The following PKHD1L1 variants were observed in gnomAD, a reference collection of about 807,000 sequenced individuals.
PKHD1L1 encodes PKHD1 like 1.
PKHD1L1 carries 434 observed loss-of-function variants against 462.9 expected under a neutral mutation model. That is an observed-to-expected ratio of 0.94 (90% CI 0.87 to 1.02). The LOEUF (loss-of-function observed/expected upper bound fraction) is 1.02. PKHD1L1 is among the 50% of genes least tolerant of loss of function. The pLI is 0.00. For synonymous variants in PKHD1L1, 1,781 were observed against 1,750.0 expected (o/e 1.02, Z -0.44); for missense variants, 5,202 against 5,096.1 (o/e 1.02, Z -0.63).
chr8:109,456,996 T>G (rs1816862121), intron 46 of PKHD1L1, among the ~76,000 whole-genome samples: 1 of 152,158 alleles, frequency 6.6e-6, no homozygotes, highest in Non-Finnish European at 1.5e-5. Context: ...TTCTGTTTAA[T>G]TACATTTTTT....
At chr8:109,497,405 A>C (rs1586625071) in intron 65 of PKHD1L1, 133 bp downstream of exon 65, 10 of 946,274 alleles carry the variant, frequency 1.1e-5, no homozygotes, top group African/African-American at 5.2e-5. Context: ...CTTTGTTCCC[A>C]CTGCCCTCTG....
At position 109,420,517 on chromosome 8, in the gene PKHD1L1, G is replaced by C. The variant is rs748390707; in HGVS notation, c.2525-1G>C. 6.4e-7 allele frequency: 1 copy of C among 1,554,720 alleles called. No individual in the cohort carries two copies. Among genetic ancestry groups the C allele is most frequent in the Admixed American group, 2.1e-5 (1 of 48,640 alleles). ...CTAATATTTTTATTTATATTCTTTA[G>C]AAATGCCCAAGAGAAGACTTCCTGC... On this transcript the variant is annotated splice_acceptor_variant, in intron 22 of 77. Coordinates refer to ENST00000378402, the MANE Select transcript of PKHD1L1 (RefSeq NM_177531.6). LOFTEE classifies it high-confidence loss of function.
At chr8:109,412,080 G>A (rs553770843) in intron 19 of PKHD1L1, among the ~76,000 whole-genome samples, 185 bp from the exon 20 acceptor site, 33 of 152,054 alleles carry the variant, frequency 2.2e-4, no homozygotes, top group Non-Finnish European at 4.1e-4. Context: ...CTGGTATAAA[G>A]GATTATATAA....
chr8:109,417,830 G>A (rs116901719), intron 21 of PKHD1L1, among the ~76,000 whole-genome samples: 7,308 of 152,272 alleles, frequency 0.048, 252 homozygotes, highest in Non-Finnish European at 0.078. Context: ...GATTACAGGC[G>A]TGAGCCACTG....
chr8:109,373,519 A>G (rs1811632845), intron 2 of PKHD1L1, among the ~76,000 whole-genome samples: 1 of 151,828 alleles, frequency 6.6e-6, no homozygotes, highest in South Asian at 2.1e-4. Flanking sequence ...TTCTGCTCTG[A>G]TCTTAGTTAT....
intron 67 of PKHD1L1, among the ~76,000 whole-genome samples, chr8:109,501,797 T>C (rs1819428445): frequency 6.6e-6 from 1 of 152,206 alleles, no homozygotes; most frequent in Non-Finnish European, 1.5e-5. Flanking sequence ...ATTTGGTTTT[T>C]CAGGTACTCT....
rs1812106989 is a variant in PKHD1L1, at chr8:109,381,422, A to T, written c.216A>T (p.Gly72=). Residue 72 remains glycine, a synonymous_variant, in exon 3 of 78, where the codon GGA becomes GGT. Coordinates refer to ENST00000378402, the MANE Select transcript of PKHD1L1 (RefSeq NM_177531.6). ...ATGGAGTTGATAACGCTGAGTTGGG[A>T]AACAGTGTGCAATTAATTTCTTCTT... ...FNYGVDNAEL[G]NSVQLISSFQ... is the part of the protein sequence containing the mutation. 2 of 1,583,970 alleles carry T rather than the reference A, an allele frequency of 1.3e-6. No individual in the cohort carries two copies. Among genetic ancestry groups the T allele is most frequent in the South Asian group, 1.2e-5 (1 of 86,928 alleles).
At chr8:109,400,022 G>A in intron 12 of PKHD1L1, 54 bp from the exon 13 acceptor site, 1 of 1,512,950 alleles carries the variant, frequency 6.6e-7, no homozygotes, top group Non-Finnish European at 8.9e-7. Context: ...GAAAGCCATT[G>A]AGGCATTGCA....
At chr8:109,448,473 T>C in intron 39 of PKHD1L1, 82 bp downstream of exon 39, 1 of 1,346,130 alleles carries the variant, frequency 7.4e-7, no homozygotes, top group Non-Finnish European at 9.8e-7. Flanking sequence ...AAATAATATG[T>C]TACTCAAACA....
Position 109,534,148 on chromosome 8 carries a change from C to A in PKHD1L1, c.*4058C>A, listed in dbSNP as rs559592159. 1.3e-5 allele frequency among the ~76,000 whole-genome samples: 2 copies of A among 152,240 alleles called. No individual in the cohort carries two copies. The highest frequency in any genetic ancestry group is 4.8e-5 in the African/African-American group (2 of 41,470). ...TGCATCTTTGAGTTACTACTATACC[C>A]TCCCGAATGGAAATGCTTCAACTTT... On this transcript the variant is annotated 3_prime_UTR_variant, in exon 78 of 78. Coordinates refer to ENST00000378402, the MANE Select transcript of PKHD1L1 (RefSeq NM_177531.6).
At chr8:109,415,133 G>T (rs1814080582) in intron 21 of PKHD1L1, among the ~76,000 whole-genome samples, 1 of 151,780 alleles carries the variant, frequency 6.6e-6, no homozygotes, top group Non-Finnish European at 1.5e-5. Context: ...CCCACAAGTA[G>T]CTGGGACTGC....
At position 109,498,538 on chromosome 8, in the gene PKHD1L1, T is replaced by C; in HGVS notation, c.10676T>C (p.Leu3559Pro). The change falls in exon 66 of 78, where the codon CTC (leucine) becomes CCC (proline). Residue 3559 changes from leucine (L) to proline (P), a missense_variant. Coordinates refer to ENST00000378402, the MANE Select transcript of PKHD1L1 (RefSeq NM_177531.6). ...VLTNDDPNIE[L>P]TAAHRSPRSP... is the part of the protein sequence containing the mutation. ...ACTAATGATGATCCTAATATTGAAC[T>C]CACTGCTGCTCATCGGAGTCCTAGA... is the stretch of plus-strand genomic sequence containing the variant. 1 of 1,613,708 alleles carries C rather than the reference T, an allele frequency of 6.2e-7. No homozygotes were observed. Among genetic ancestry groups the C allele is most frequent in the Non-Finnish European group, 8.5e-7 (1 of 1,179,594 alleles).
intron 59 of PKHD1L1, among the ~76,000 whole-genome samples, chr8:109,487,948 G>GGAAA (rs1432221400): frequency 3.7e-4 from 54 of 146,432 alleles, no homozygotes; most frequent in East Asian, 1.4e-3. Flanking sequence ...AAGGAAAGAA[G>GGAAA]GAAGGAAGGA....
At chr8:109,456,642 T>G (rs534626507) in intron 46 of PKHD1L1, among the ~76,000 whole-genome samples, 3 of 152,324 alleles carry the variant, frequency 2.0e-5, no homozygotes, top group African/African-American at 7.2e-5. Context: ...TATGTCCTAG[T>G]AAAATGTATG....
Position 109,535,478 on chromosome 8 carries a change from A to G in PKHD1L1, c.*5388A>G, listed in dbSNP as rs10088612. Among the ~76,000 whole-genome samples the G allele has an allele frequency of 0.76, 116,024 of 152,102 alleles. 44,945 individuals are homozygous for G. Among genetic ancestry groups the G allele is most frequent in the Middle Eastern group, 0.93 (273 of 294 alleles). Reference sequence around the variant, plus strand: ...AACTACGTACAAAATATAGATTTAAATTAATTTTCACTGTATGAAATGTAC... The same window carrying G: ...AACTACGTACAAAATATAGATTTAAGTTAATTTTCACTGTATGAAATGTAC... On this transcript the variant is annotated 3_prime_UTR_variant, in exon 78 of 78. Transcript: ENST00000378402.
intron 45 of PKHD1L1, among the ~76,000 whole-genome samples, chr8:109,455,137 A>T (rs978505003): frequency 6.6e-6 from 1 of 152,192 alleles, no homozygotes; most frequent in Non-Finnish European, 1.5e-5. Flanking sequence ...CAGGTGTTTG[A>T]TACCAGCCTG....
chr8:109,459,661 A>C lies in PKHD1L1; in HGVS notation c.7071A>C (p.Thr2357=). ...ASVSADGINI[T]LSNPLNYTHL... ...TGTCTGCTGATGGCATAAACATAAC[A>C]CTAAGTAACCCACTAAATTACACAC... The change falls in exon 47 of 78, where the codon ACA becomes ACC. Residue 2357 remains threonine, a synonymous_variant. Transcript: ENST00000378402. 6.2e-7 allele frequency: 1 copy of C among 1,607,586 alleles called. No homozygotes were observed.
Position 109,518,405 on chromosome 8 carries a change from C to G in PKHD1L1, c.11928C>G (p.Ser3976Arg). The G allele has an allele frequency of 6.2e-7, 1 of 1,612,920 alleles. No homozygotes were observed. Residue 3976 changes from serine to arginine, a missense_variant, in exon 73 of 78, where the codon AGC becomes AGG. Around this residue, in one of 3 missense-constraint regions of PKHD1L1, gnomAD observed 698 missense variants for 736.3 expected, o/e 0.95. Transcript: ENST00000378402. The stretch of plus-strand genomic sequence containing the variant: ...TACCAAGTGACAAAATCCGTATCAG[C>G]AAAATAAGAGGGAAGAGTCTGAGGA... ...LKIPSDKIRI[S>R]KIRGKSLRRK...
At chr8:109,381,953 C>G (rs1263567072) in intron 3 of PKHD1L1, among the ~76,000 whole-genome samples, 1 of 152,054 alleles carries the variant, frequency 6.6e-6, no homozygotes, top group Non-Finnish European at 1.5e-5. Flanking sequence ...ATGTTATTAG[C>G]AACTTAGGAA....
Sources: allele counts gnomAD v4.1 joint callset (sites outside exome capture counted in the v4.1 genomes callset), GRCh38; gene constraint gnomAD v4.1.1; regional missense constraint gnomAD v4.1.1; transcripts MANE v1.5; gene names NCBI Gene and HGNC (gene_info 2026-07-23, HGNC 2026-07-21).